Variants in BBS9 observed in about 807,000 individuals in gnomAD.
BBS9 encodes the protein protein PTHB1.
In BBS9, 89 loss-of-function variants were observed where a neutral mutation model predicts 117.7. The ratio of observed to expected loss-of-function variants is 0.76; its 90% CI spans 0.64 to 0.90. The LOEUF (loss-of-function observed/expected upper bound fraction) is 0.90. BBS9 is among the 40% of genes least tolerant of loss of function. BBS9 has a pLI of 0.00. For missense variants in BBS9, 982 were observed against 1,042.2 expected, an observed-to-expected ratio of 0.94 and a Z score of 0.80; for synonymous variants, 379 against 370.9, an observed-to-expected ratio of 1.02 and a Z score of -0.25.
chr7:33,488,701 T>A (rs1843448863), intron 19 of BBS9, among the ~76,000 whole-genome samples: 1 of 152,178 alleles, frequency 6.6e-6, no homozygotes, highest in African/African-American at 2.4e-5. Context: ...TCAAAAAACA[T>A]GTAATCTAAG....
At chr7:33,437,102 A>T (rs1182613706) in intron 19 of BBS9, among the ~76,000 whole-genome samples, 1 of 152,220 alleles carries the variant, frequency 6.6e-6, no homozygotes, top group Non-Finnish European at 1.5e-5. Context: ...TTTGGAATCT[A>T]TCTGTCCATC....
At chr7:33,374,855 C>T (rs1369662128) in intron 17 of BBS9, among the ~76,000 whole-genome samples, 2 of 133,772 alleles carry the variant, frequency 1.5e-5, no homozygotes, top group East Asian at 4.5e-4. Context: ...GAGCCGAGGT[C>T]ATGCCATTGC....
intron 5 of BBS9, among the ~76,000 whole-genome samples, chr7:33,205,605 T>C (rs550218099): frequency 6.6e-6 from 1 of 152,278 alleles, no homozygotes; most frequent in South Asian, 2.1e-4. Flanking sequence ...GGTCTGTGTA[T>C]TTTTTTCTTC....
At chr7:33,328,430 A>G (rs1186439970) in intron 9 of BBS9, among the ~76,000 whole-genome samples, 2 of 152,204 alleles carry the variant, frequency 1.3e-5, no homozygotes, top group African/African-American at 4.8e-5. Context: ...GTCTGAAATG[A>G]TTAATGGTGG....
chr7:33,291,967 G>A (rs1804137803), intron 9 of BBS9, among the ~76,000 whole-genome samples: 1 of 152,114 alleles, frequency 6.6e-6, no homozygotes, highest in African/African-American at 2.4e-5. Context: ...TTTTCTCCAG[G>A]GAATTGGCTT....
intron 19 of BBS9, among the ~76,000 whole-genome samples, chr7:33,480,526 G>A (rs1396619099): frequency 2.0e-5 from 3 of 152,180 alleles, no homozygotes; most frequent in Non-Finnish European, 4.4e-5. Flanking sequence ...TCTTGTCAAA[G>A]CTTCACAAAG....
intron 21 of BBS9, among the ~76,000 whole-genome samples, chr7:33,618,344 CAA>C (rs35288587): frequency 3.1e-5 from 4 of 128,564 alleles, no homozygotes; most frequent in East Asian, 2.2e-4. Context: ...AACCTTGTCT[CAA>C]AAAAAAAAAA....
intron 6 of BBS9, among the ~76,000 whole-genome samples, chr7:33,261,775 G>A (rs1264526728): frequency 6.6e-6 from 1 of 152,180 alleles, no homozygotes; most frequent in Non-Finnish European, 1.5e-5. Flanking sequence ...TGTGGTTAGT[G>A]AGTCAAAAAG....
chr7:33,341,269 T>C (rs1816491741), intron 11 of BBS9, among the ~76,000 whole-genome samples: 1 of 152,126 alleles, frequency 6.6e-6, no homozygotes, highest in African/African-American at 2.4e-5. Context: ...TTTTTCAAAC[T>C]TTCTTAGTAC....
At chr7:33,505,318 C>CTT (rs1217698264) in intron 19 of BBS9, 145 bp from the exon 20 acceptor site, 2 of 846,470 alleles carry the variant, frequency 2.4e-6, no homozygotes, top group African/African-American at 3.3e-5. Context: ...AATGATAACT[C>CTT]TTTTATTACT....
At chr7:33,527,631 A>G (rs146744111) in intron 20 of BBS9, among the ~76,000 whole-genome samples, 7 of 152,054 alleles carry the variant, frequency 4.6e-5, no homozygotes, top group African/African-American at 7.2e-5. Flanking sequence ...ACACCCACTG[A>G]CCTGCGCCCA....
chr7:33,255,171 T>A (rs1796828282), intron 5 of BBS9, among the ~76,000 whole-genome samples: 1 of 152,146 alleles, frequency 6.6e-6, no homozygotes, highest in Admixed American at 6.5e-5. Flanking sequence ...TCCCCTCTAT[T>A]TTTTGTTTTG....
chr7:33,621,936 G>A (rs1022933704), intron 21 of BBS9, among the ~76,000 whole-genome samples: 9 of 152,298 alleles, frequency 5.9e-5, no homozygotes, highest in Middle Eastern at 3.4e-3. Flanking sequence ...TGGGCTGGGC[G>A]CAGTGGTTCA....
chr7:33,182,003 C>T lies in BBS9; in HGVS notation c.442+4412C>T, dbSNP rs139790354. Among the ~76,000 whole-genome samples the T allele has an allele frequency of 6.5e-3, 997 of 152,246 alleles. 14 individuals carry two copies. The highest frequency in any genetic ancestry group is 0.023 in the African/African-American group (942 of 41,544). On this transcript the variant is annotated intron_variant, in intron 5 of 22. Transcript: ENST00000242067. ...CCGGGAGGCTGAGGTGGCAGAATGG[C>T]GTGAACCCAGGAGGCGGAGCTTGCA... is the stretch of plus-strand genomic sequence containing the variant.
chr7:33,294,327 ATCTATCTATCTATCTATCTATCTATC>A lies in BBS9; in HGVS notation c.1016+20375_1016+20400del, dbSNP rs1228116709. 7.7e-4 allele frequency among the ~76,000 whole-genome samples: 110 copies of A among 143,692 alleles called. 1 individual carries two copies. In the East Asian group the frequency reaches 0.021, roughly 27 times the overall value. The allele number at this position is 143,692 out of a possible 152,430, so 94.3% of individuals were successfully genotyped here. A position where few individuals can be genotyped will look rare whatever the true frequency, so the allele number is the denominator to read the frequency against. ...TATCTATCTATCTATCTATCTATCT[ATCTATCTATCTATCTATCTATCTATC>A]TCTTTGTCCATCCATCCATCCATCC... On this transcript the variant is annotated intron_variant, in intron 9 of 22. Transcript: ENST00000242067.
chr7:33,560,134 A>G (rs963969301), intron 21 of BBS9, among the ~76,000 whole-genome samples: 1 of 152,142 alleles, frequency 6.6e-6, no homozygotes, highest in Admixed American at 6.5e-5. Flanking sequence ...AGGATAGTGC[A>G]TGTGTTTTGT....
At chr7:33,176,536 T>C (rs1387266584) in intron 4 of BBS9, among the ~76,000 whole-genome samples, 1 of 152,212 alleles carries the variant, frequency 6.6e-6, no homozygotes, top group Non-Finnish European at 1.5e-5. Flanking sequence ...AAATATATTC[T>C]TACAATCTCA....
intron 19 of BBS9, among the ~76,000 whole-genome samples, chr7:33,477,473 A>G (rs1011781058): frequency 6.6e-6 from 1 of 152,218 alleles, no homozygotes; most frequent in Non-Finnish European, 1.5e-5. Context: ...ATAAATTAAC[A>G]CAGAGATGCA....
chr7:33,138,532 A>G lies in BBS9; in HGVS notation c.-11-7710A>G, dbSNP rs535674609. Reference sequence around the variant, plus strand: ...CAGATGCTGCTGATCCAGGGATTACACCTGGAGTAGCAAGGGACCAAACTC... The same window carrying G: ...CAGATGCTGCTGATCCAGGGATTACGCCTGGAGTAGCAAGGGACCAAACTC... On this transcript the variant is annotated intron_variant, in intron 1 of 22. Transcript: ENST00000242067. Among the ~76,000 whole-genome samples the G allele has an allele frequency of 6.7e-5, 10 of 149,900 alleles. No individual in the cohort carries two copies. In the South Asian group the frequency reaches 1.3e-3, roughly 19 times the overall value.
Sources: allele counts gnomAD v4.1 joint callset (sites outside exome capture counted in the v4.1 genomes callset), GRCh38; gene constraint gnomAD v4.1.1; transcripts MANE v1.5; gene names NCBI Gene and HGNC (gene_info 2026-07-23, HGNC 2026-07-21).